Variants in ASAP2 observed in about 807,000 individuals in gnomAD.
ASAP2 encodes the protein ArfGAP with SH3 domain, ankyrin repeat and PH domain 2.
Under a neutral mutation model 131.4 loss-of-function variants are expected in ASAP2, and 45 were observed. The ratio of observed to expected loss-of-function variants is 0.34; its 90% confidence interval spans 0.27 to 0.44. ASAP2 has a LOEUF of 0.44. Ranked by LOEUF, ASAP2 falls within the 20% of genes least tolerant of loss-of-function variation. The pLI is 1.00. For missense variants in ASAP2, 1,011 were observed against 1,297.0 expected, an observed-to-expected ratio of 0.78 and a Z score of 3.39; for synonymous variants, 510 against 503.0, an observed-to-expected ratio of 1.01 and a Z score of -0.19.
intron 1 of ASAP2, among the ~76,000 whole-genome samples, chr2:9,261,238 C>T (rs1665558314): frequency 6.6e-6 from 1 of 152,200 alleles, no homozygotes; most frequent in African/African-American, 2.4e-5. Flanking sequence ...GCCAGCGCTT[C>T]TGGCTCTGGA....
chr2:9,276,534 T>C (rs770743548), intron 1 of ASAP2, among the ~76,000 whole-genome samples: 1 of 151,982 alleles, frequency 6.6e-6, no homozygotes, highest in Non-Finnish European at 1.5e-5. Flanking sequence ...TGTCATCTTT[T>C]TTTTCTCTTT....
chr2:9,299,169 A>G (rs753808547), intron 3 of ASAP2, among the ~76,000 whole-genome samples: 2 of 152,184 alleles, frequency 1.3e-5, no homozygotes, highest in Non-Finnish European at 2.9e-5. Context: ...GGAACGGAAG[A>G]GTCTCCAAGT....
rs1479580175 is a variant in ASAP2, at chr2:9,307,856, G to A, written c.345+10411G>A. On this transcript the variant is annotated intron_variant, in intron 3 of 27. Coordinates refer to ENST00000281419, the MANE Select transcript of ASAP2 (RefSeq NM_003887.3). ...CCCTTCTCCTTTTTAATTAAACAGC[G>A]ACTGTGCTGCCAGGGACGGGCTGGG... Among the ~76,000 whole-genome samples the A allele has an allele frequency of 5.3e-5, 8 of 152,312 alleles. No individual in the cohort carries two copies. In the East Asian group the frequency reaches 7.7e-4, roughly 15 times the overall value.
intron 9 of ASAP2, 115 bp from the exon 10 acceptor site, chr2:9,344,417 A>T: frequency 1.3e-6 from 1 of 799,260 alleles, no homozygotes; most frequent in Non-Finnish European, 1.9e-6. Context: ...AAATTTCTCC[A>T]ATTTTTGTTG....
chr2:9,302,169 C>CTTTTTTTTTT (rs57906310), intron 3 of ASAP2, among the ~76,000 whole-genome samples: 2 of 82,916 alleles, frequency 2.4e-5, no homozygotes, highest in African/African-American at 1.1e-4. Flanking sequence ...AGTTAGAAGC[C>CTTTTTTTTTT]TTTTTTTTTT....
chr2:9,339,912 G>A (rs1456743925), intron 9 of ASAP2, among the ~76,000 whole-genome samples: 1 of 152,168 alleles, frequency 6.6e-6, no homozygotes, highest in Admixed American at 6.5e-5. Flanking sequence ...ATCCATTGCA[G>A]GGCATTTCCT....
intron 1 of ASAP2, among the ~76,000 whole-genome samples, chr2:9,243,033 A>C (rs1664088228): frequency 6.6e-6 from 1 of 152,244 alleles, no homozygotes. Context: ...AAGCATACGG[A>C]TTAACAAAGA....
At chr2:9,215,210 A>G (rs974324024) in intron 1 of ASAP2, among the ~76,000 whole-genome samples, 2 of 152,228 alleles carry the variant, frequency 1.3e-5, no homozygotes, top group African/African-American at 4.8e-5. Flanking sequence ...GTATCTAAAC[A>G]TAGAAAAGAC....
At chr2:9,366,431 G>A (rs998217233) in intron 15 of ASAP2, among the ~76,000 whole-genome samples, 2 of 152,140 alleles carry the variant, frequency 1.3e-5, no homozygotes, top group Non-Finnish European at 2.9e-5. Context: ...GAAAACCATT[G>A]TGCTCACCTG....
intron 1 of ASAP2, among the ~76,000 whole-genome samples, chr2:9,235,254 G>T (rs1663465225): frequency 6.6e-6 from 1 of 152,164 alleles, no homozygotes; most frequent in Non-Finnish European, 1.5e-5. Flanking sequence ...CCACACAGAT[G>T]GCTGGTCGTC....
At chr2:9,286,314 C>T (rs1164676215) in intron 2 of ASAP2, among the ~76,000 whole-genome samples, 2 of 151,968 alleles carry the variant, frequency 1.3e-5, no homozygotes, top group African/African-American at 4.8e-5. Context: ...AGGAAGATTA[C>T]ATGAACCTGG....
rs753688934 is a variant in ASAP2, at chr2:9,356,341, G to A, written c.1323G>A (p.Ala441=). Residue 441 remains alanine (A), a synonymous_variant, in exon 14 of 28, where the codon GCG becomes GCA. Coordinates refer to ENST00000281419, the MANE Select transcript of ASAP2 (RefSeq NM_003887.3). ...TGNDVCCDCG[A]PDPTWLSTNL... Reference sequence around the variant, plus strand: ...ATGACGTCTGCTGTGACTGTGGGGCGCCAGGTGACCCAGGGACCCCACCCG... The same window carrying A: ...ATGACGTCTGCTGTGACTGTGGGGCACCAGGTGACCCAGGGACCCCACCCG... The A allele has an allele frequency of 1.1e-5, 17 of 1,588,882 alleles. No homozygotes were observed. The highest frequency in any genetic ancestry group is 1.7e-4 in the Middle Eastern group (1 of 5,918).
chr2:9,248,200 G>A (rs900251795), intron 1 of ASAP2, among the ~76,000 whole-genome samples: 1 of 152,212 alleles, frequency 6.6e-6, no homozygotes, highest in Admixed American at 6.5e-5. Flanking sequence ...TGCATCCCAC[G>A]CTAACCACGG....
chr2:9,302,777 A>G (rs1274262575), intron 3 of ASAP2, among the ~76,000 whole-genome samples: 1 of 152,184 alleles, frequency 6.6e-6, no homozygotes, highest in Non-Finnish European at 1.5e-5. Flanking sequence ...CTGTAATACC[A>G]AAGTACTGGG....
intron 7 of ASAP2, among the ~76,000 whole-genome samples, chr2:9,329,694 T>C (rs904133734): frequency 1.3e-5 from 2 of 152,136 alleles, no homozygotes; most frequent in African/African-American, 4.8e-5. Context: ...ACAGCGGGAG[T>C]GGAAGGTGTG....
chr2:9,387,031 C>T (rs532025568), intron 21 of ASAP2, among the ~76,000 whole-genome samples: 4 of 149,844 alleles, frequency 2.7e-5, no homozygotes, highest in East Asian at 2.0e-4. Context: ...GGTGAAACCC[C>T]GTCTCTACTA....
rs771784721 is a variant in ASAP2, at chr2:9,400,818, G to A, written c.2811G>A (p.Arg937=). 6.2e-7 allele frequency: 1 copy of A among 1,613,476 alleles called. No homozygotes were observed. The highest frequency in any genetic ancestry group is 8.5e-7 in the Non-Finnish European group (1 of 1,179,900). The stretch of plus-strand genomic sequence containing the variant: ...TGCAGCCCCCTGCACCCATGCCTAG[G>A]AAGTCGCAGGCAGTAAGTGACGAGC... ...MVLQPPAPMP[R]KSQATKLKPK... The change falls in exon 26 of 28, where the codon AGG becomes AGA. Residue 937 remains arginine (R), a synonymous_variant. Coordinates refer to ENST00000281419, the MANE Select transcript of ASAP2 (RefSeq NM_003887.3).
chr2:9,377,260 A>T (rs970879513), intron 18 of ASAP2, among the ~76,000 whole-genome samples: 2 of 152,136 alleles, frequency 1.3e-5, no homozygotes, highest in Non-Finnish European at 2.9e-5. Flanking sequence ...ATGGCTACTG[A>T]ACTTGGGGAC....
At chr2:9,271,450 A>G (rs1360492322) in intron 1 of ASAP2, 20 of 1,404,548 alleles carry the variant, frequency 1.4e-5, no homozygotes, top group Non-Finnish European at 2.0e-5. Flanking sequence ...AAACGCCTTC[A>G]CTGGTTTCTT....
Sources: allele counts gnomAD v4.1 joint callset (sites outside exome capture counted in the v4.1 genomes callset), GRCh38; gene constraint gnomAD v4.1.1; transcripts MANE v1.5; gene names NCBI Gene and HGNC (gene_info 2026-07-23, HGNC 2026-07-21).